The following SLC6A11 variants were observed in gnomAD, a reference collection of about 807,000 sequenced individuals.
SLC6A11 encodes the protein sodium- and chloride-dependent GABA transporter 3.
Under a neutral mutation model 74.8 loss-of-function variants are expected in SLC6A11, and 25 were observed. The observed-to-expected ratio is 0.33, with a 90% confidence interval of 0.24 to 0.47. The LOEUF is 0.47. Among genes scored for constraint, SLC6A11 ranks in the 20% least tolerant of loss-of-function variants. SLC6A11 has a pLI of 1.00. For synonymous variants in SLC6A11, 330 were observed against 330.2 expected, an observed-to-expected ratio of 1.00 and a Z score of 0.01; for missense variants, 574 against 837.0, an observed-to-expected ratio of 0.69 and a Z score of 3.88.
intron 7 of SLC6A11, among the ~76,000 whole-genome samples, chr3:10,916,136 C>T (rs949131775): frequency 6.6e-6 from 1 of 152,214 alleles, no homozygotes; most frequent in Non-Finnish European, 1.5e-5. Flanking sequence ...CATTTTGCCT[C>T]AGACTTCAGG....
intron 5 of SLC6A11, among the ~76,000 whole-genome samples, chr3:10,858,414 T>C (rs1461233805): frequency 6.6e-6 from 1 of 152,190 alleles, no homozygotes; most frequent in Non-Finnish European, 1.5e-5. Context: ...GAGAGTTTTT[T>C]TGCTGTGTGA....
intron 6 of SLC6A11, among the ~76,000 whole-genome samples, chr3:10,887,956 CAG>C (rs1192192211): frequency 6.6e-6 from 1 of 152,152 alleles, no homozygotes; most frequent in Non-Finnish European, 1.5e-5. Context: ...ACTGCAAAGC[CAG>C]AGAGTTCAGA....
At position 10,938,230 on chromosome 3, in the gene SLC6A11, C is replaced by T; in HGVS notation, c.1747-20C>T. On this transcript the variant is annotated intron_variant, in intron 13 of 13. Transcript: ENST00000254488. ...TGGCAGCTAATCACTCAGATCTTCC[C>T]CTCCTCTCCAACCATCCAGAAACTC... is the stretch of plus-strand genomic sequence containing the variant. 5.1e-6 allele frequency: 8 copies of T among 1,575,778 alleles called. No individual in the cohort carries two copies. The highest frequency in any genetic ancestry group is 2.3e-5 in the East Asian group (1 of 44,196).
In SLC6A11 at chr3:10,938,698, T is replaced by C. The variant is rs553597736; in HGVS notation, c.*296T>C. ...CTAGGGATTAGGAAGAAGTGTATAA[T>C]ATTGTAAAACTTTTTTTACTGGGGT... On this transcript the variant is annotated 3_prime_UTR_variant, in exon 14 of 14. Transcript: ENST00000254488. 2.9e-5 allele frequency: 7 copies of C among 238,460 alleles called. No individual in the cohort carries two copies. Among genetic ancestry groups the C allele is most frequent in the African/African-American group, 1.6e-4 (7 of 44,972 alleles). The allele number at this position is 238,460 out of a possible 1,614,324, so 14.8% of individuals were successfully genotyped here. A position where few individuals can be genotyped will look rare whatever the true frequency, so the allele number is the denominator to read the frequency against.
At chr3:10,823,571 A>C in intron 4 of SLC6A11, 179 bp downstream of exon 4, 2 of 571,976 alleles carry the variant, frequency 3.5e-6, no homozygotes, top group South Asian at 4.5e-5. Context: ...AGGTTTCCCA[A>C]AGGGGCAGCT....
At chr3:10,912,912 A>G (rs75293032) in intron 7 of SLC6A11, among the ~76,000 whole-genome samples, 172 of 152,246 alleles carry the variant, frequency 1.1e-3, no homozygotes, top group Middle Eastern at 6.8e-3. Context: ...CTGGTACGCA[A>G]TAGGTTAATA....
At position 10,926,775 on chromosome 3, in the gene SLC6A11, C is replaced by T. The variant is rs1418668853; in HGVS notation, c.1233+659C>T. ...ACACAGCACGCAGGCGCTCGCTTCC[C>T]GCACTGAGCACACTCCAGACTCCCA... On this transcript the variant is annotated intron_variant, in intron 9 of 13. Transcript: ENST00000254488. The surrounding 1 kb of genome is among the most constrained non-coding windows in gnomAD (Gnocchi z 5.7). Among the ~76,000 whole-genome samples, 1 of 152,150 alleles carries T rather than the reference C, an allele frequency of 6.6e-6. No individual in the cohort carries two copies. Among genetic ancestry groups the T allele is most frequent in the Non-Finnish European group, 1.5e-5 (1 of 68,026 alleles).
At chr3:10,866,489 T>C (rs1694764149) in intron 5 of SLC6A11, among the ~76,000 whole-genome samples, 1 of 152,190 alleles carries the variant, frequency 6.6e-6, no homozygotes, top group Non-Finnish European at 1.5e-5. Context: ...CTCAACACCT[T>C]TCTTCTCTTC....
rs190113799 is a variant in SLC6A11, at chr3:10,837,726, G to T, written c.624-6488G>T. 1.7e-3 allele frequency among the ~76,000 whole-genome samples: 255 copies of T among 152,332 alleles called. 1 individual carries two copies. Among genetic ancestry groups the T allele is most frequent in the Middle Eastern group, 6.8e-3 (2 of 294 alleles). On this transcript the variant is annotated intron_variant, in intron 4 of 13. Transcript: ENST00000254488. ...GCCTGCTTATTCATCACTGTAGCGT[G>T]GACTGAATGAGTGTGTGATGTAGAG...
rs1381292672 is a variant in SLC6A11, at chr3:10,926,833, C to G, written c.1233+717C>G. Among the ~76,000 whole-genome samples, 1 of 152,182 alleles carries G rather than the reference C, an allele frequency of 6.6e-6. No individual in the cohort carries two copies. Among genetic ancestry groups the G allele is most frequent in the Non-Finnish European group, 1.5e-5 (1 of 68,034 alleles). On this transcript the variant is annotated intron_variant, in intron 9 of 13. Transcript: ENST00000254488. This position sits in a 1 kb window ranked among gnomAD's most constrained non-coding sequence, Gnocchi z 5.7. ...TCCCCGGCCTCTTTCCCAGACCATT[C>G]CCCCAACAGTCCCTGAAACCCACCC... is the stretch of plus-strand genomic sequence containing the variant.
At chr3:10,849,561 T>A (rs530219633) in intron 5 of SLC6A11, among the ~76,000 whole-genome samples, 1 of 152,294 alleles carries the variant, frequency 6.6e-6, no homozygotes, top group Admixed American at 6.5e-5. Flanking sequence ...TCAAGAAACA[T>A]TGAACCTTCA....
intron 4 of SLC6A11, among the ~76,000 whole-genome samples, chr3:10,825,797 T>C (rs1694201191): frequency 6.6e-6 from 1 of 152,256 alleles, no homozygotes; most frequent in African/African-American, 2.4e-5. Flanking sequence ...TCATTCATTC[T>C]TTTCTGATTT....
chr3:10,848,014 C>T (rs567651652), intron 5 of SLC6A11, among the ~76,000 whole-genome samples: 1 of 152,340 alleles, frequency 6.6e-6, no homozygotes. Flanking sequence ...CTCTTCATCT[C>T]TTCCCTGAAG....
intron 1 of SLC6A11, among the ~76,000 whole-genome samples, chr3:10,818,624 C>T (rs1004020122): frequency 6.6e-6 from 1 of 152,146 alleles, no homozygotes; most frequent in African/African-American, 2.4e-5. Flanking sequence ...GCAAAAAGCA[C>T]TTTCAGTTAA....
chr3:10,872,891 A>G (rs1251046854), intron 5 of SLC6A11, among the ~76,000 whole-genome samples: 1 of 152,222 alleles, frequency 6.6e-6, no homozygotes, highest in Non-Finnish European at 1.5e-5. Context: ...GCATCTGAGC[A>G]CATTTGGAGG....
At position 10,816,761 on chromosome 3, in the gene SLC6A11, C is replaced by T. The variant is rs1694067669; in HGVS notation, c.256+240C>T. ...ACCTGCCAGCGCGGGGACTTGCCCG[C>T]GTTCTGTCCCCAGCATGAGATGCAG... On this transcript the variant is annotated intron_variant, in intron 1 of 13. Coordinates refer to ENST00000254488, the MANE Select transcript of SLC6A11 (RefSeq NM_014229.3). This position sits in a 1 kb window ranked among gnomAD's most constrained non-coding sequence, Gnocchi z 4.2. Among the ~76,000 whole-genome samples, 3 of 152,216 alleles carry T rather than the reference C, an allele frequency of 2.0e-5. No individual in the cohort carries two copies. The highest frequency in any genetic ancestry group is 2.0e-4 in the Admixed American group (3 of 15,286).
At chr3:10,885,275 A>C (rs1050804804) in intron 6 of SLC6A11, among the ~76,000 whole-genome samples, 34 of 152,086 alleles carry the variant, frequency 2.2e-4, no homozygotes, top group Admixed American at 2.1e-3. Flanking sequence ...TGTAGGCTCA[A>C]CTTTGTTTTC....
At chr3:10,917,203 T>G (rs1695467959) in intron 7 of SLC6A11, among the ~76,000 whole-genome samples, 1 of 152,186 alleles carries the variant, frequency 6.6e-6, no homozygotes, top group Non-Finnish European at 1.5e-5. Context: ...CTGAAGGAAC[T>G]CCAGGCTGTT....
At chr3:10,931,697 T>C (rs1383739176) in intron 10 of SLC6A11, among the ~76,000 whole-genome samples, 1 of 152,196 alleles carries the variant, frequency 6.6e-6, no homozygotes, top group Non-Finnish European at 1.5e-5. Context: ...GCAACTGCCC[T>C]CCAGAGGTGT....
Sources: gnomAD v4.1 joint callset for allele counts (sites outside exome capture counted in the v4.1 genomes callset) on GRCh38, gnomAD v4.1.1 for gene constraint, Gnocchi (gnomAD v3.1) non-coding constraint, MANE v1.5 for transcripts, NCBI Gene and HGNC (gene_info 2026-07-23, HGNC 2026-07-21) for gene names.